The following ICAM5 variants were observed in gnomAD, a reference collection of about 807,000 sequenced individuals.
ICAM5 encodes intercellular adhesion molecule 5.
A neutral mutation model predicts 78.8 loss-of-function variants in ICAM5; 38 were observed. The ratio of observed to expected loss-of-function variants is 0.48; its 90% CI spans 0.37 to 0.63. The LOEUF is 0.63. Among genes scored for constraint, ICAM5 ranks in the 30% least tolerant of loss-of-function variants. The pLI is 0.00. For missense variants in ICAM5, 1,059 were observed against 1,303.0 expected, an observed-to-expected ratio of 0.81 and a Z score of 2.88; for synonymous variants, 544 against 590.9, an observed-to-expected ratio of 0.92 and a Z score of 1.15.
rs2040207772 is a variant in ICAM5, at chr19:10,294,855, C to T, written c.2230+215C>T. Among the ~76,000 whole-genome samples the T allele has an allele frequency of 2.0e-5, 3 of 152,088 alleles. No individual in the cohort carries two copies. Among genetic ancestry groups the T allele is most frequent in the Non-Finnish European group, 4.4e-5 (3 of 68,016 alleles). On this transcript the variant is annotated intron_variant, in intron 9 of 10. Coordinates refer to ENST00000221980, the MANE Select transcript of ICAM5 (RefSeq NM_003259.4). The surrounding 1 kb of genome is among the most constrained non-coding windows in gnomAD (Gnocchi z 7.7). ...TTGAGGCGGATGAATCACTTGAGGCCAGGAGTTCGAGACCAGCCCGGCCAA... is the reference window on the plus strand; with the variant it reads ...TTGAGGCGGATGAATCACTTGAGGCTAGGAGTTCGAGACCAGCCCGGCCAA...
chr19:10,296,750 A>C lies in ICAM5; in HGVS notation c.*134A>C. ...AGGGCGTCACCCCCATTTTCTACCC[A>C]TCCCCTCAATAAAGTTTTTATAAAG... On this transcript the variant is annotated 3_prime_UTR_variant, in exon 11 of 11. Coordinates refer to ENST00000221980, the MANE Select transcript of ICAM5 (RefSeq NM_003259.4). 1 of 739,580 alleles carries C rather than the reference A, an allele frequency of 1.4e-6. No homozygotes were observed. 45.8% of individuals were successfully genotyped at this position (739,580 alleles called of 1,614,324 possible).
In ICAM5 at chr19:10,290,116, G is replaced by C. The variant is rs766456168; in HGVS notation, c.73G>C (p.Gly25Arg). The C allele has an allele frequency of 3.3e-6, 5 of 1,530,414 alleles. No individual in the cohort carries two copies. In the South Asian group the frequency reaches 3.6e-5, roughly 11 times the overall value. The allele number at this position is 1,530,414 out of a possible 1,614,324, so 94.8% of individuals were successfully genotyped here. Residue 25 changes from glycine to arginine, a missense_variant, in exon 1 of 11, where the codon GGC (glycine) becomes CGC (arginine). By Grantham distance (125) the Gly-to-Arg change is moderately radical. This residue lies in a region of ICAM5 where 815 missense variants were observed against 952.8 expected (regional missense o/e 0.86). Transcript: ENST00000221980. This position sits in a 1 kb window ranked among gnomAD's most constrained non-coding sequence, Gnocchi z 5.7. Reference sequence around the variant, plus strand: ...GGCTGCTCTGGGCCTGGGGCTCTTCGGCCTCTCAGGTAAGAGCCCCGCTCT... The same window carrying C: ...GGCTGCTCTGGGCCTGGGGCTCTTCCGCCTCTCAGGTAAGAGCCCCGCTCT... ...LWAALGLGLF[G>R]LSAVSQEPFW...
intron 10 of ICAM5, 109 bp downstream of exon 10, chr19:10,295,721 C>G (rs1396586044): frequency 1.6e-6 from 2 of 1,264,738 alleles, no homozygotes; most frequent in Non-Finnish European, 2.1e-6. Flanking sequence ...GTAGACTAGA[C>G]GGAAGTGGGA....
rs771944642 is a variant in ICAM5 at position 10,294,166 on chromosome 19, G to A, written c.1838G>A (p.Gly613Asp). The change falls in exon 8 of 11, where the codon GGC becomes GAC. Residue 613 changes from glycine (G) to aspartate (D), a missense_variant. Coordinates refer to ENST00000221980, the MANE Select transcript of ICAM5 (RefSeq NM_003259.4). The surrounding 1 kb of genome is among the most constrained non-coding windows in gnomAD (Gnocchi z 7.7). ...AGCGTGAAGTGCGTGGGCTCCGGGG[G>A]CGCCACTGAGGGGGTGCTGCTGCCG... ...QPSVKCVGSG[G>D]ATEGVLLPLA... The A allele has an allele frequency of 1.2e-6, 2 of 1,612,606 alleles. No homozygotes were observed. Among genetic ancestry groups the A allele is most frequent in the Non-Finnish European group, 1.7e-6 (2 of 1,179,632 alleles).
At position 10,294,099 on chromosome 19, in the gene ICAM5, G is replaced by A. The variant is rs1416523008; in HGVS notation, c.1771G>A (p.Gly591Arg). ...PSNWTWVEGS[G>R]RLFSCEVDGK... ...CAATTGGACATGGGTGGAAGGATCT[G>A]GGCGCCTGTTTTCCTGTGAGGTCGA... The change falls in exon 8 of 11, where the codon GGG (glycine) becomes AGG (arginine). Residue 591 changes from glycine to arginine, a missense_variant. Transcript: ENST00000221980. This position sits in a 1 kb window ranked among gnomAD's most constrained non-coding sequence, Gnocchi z 7.7. 6.3e-7 allele frequency: 1 copy of A among 1,598,102 alleles called. No homozygotes were observed. The highest frequency in any genetic ancestry group is 1.1e-5 in the South Asian group (1 of 89,614).
chr19:10,296,384 C>T lies in ICAM5; in HGVS notation c.2543C>T (p.Ala848Val). The T allele has an allele frequency of 7.9e-7, 1 of 1,260,870 alleles. No homozygotes were observed. The allele number at this position is 1,260,870 out of a possible 1,614,324, so 78.1% of individuals were successfully genotyped here. A position where few individuals can be genotyped will look rare whatever the true frequency, so the allele number is the denominator to read the frequency against. ...VAVGGAAGGAALLAAGAGLAF... is the reference protein window; with the variant it reads ...VAVGGAAGGAVLLAAGAGLAF... Reference sequence around the variant, plus strand: ...GTGGGCGGCGCGGCGGGGGGCGCGGCGCTGCTGGCCGCGGGGGCCGGCCTG... The same window carrying T: ...GTGGGCGGCGCGGCGGGGGGCGCGGTGCTGCTGGCCGCGGGGGCCGGCCTG... The change falls in exon 11 of 11, where the codon GCG becomes GTG. Residue 848 changes from alanine to valine, a missense_variant. Physicochemically the swap from Ala to Val is moderately conservative, Grantham distance 64 (BLOSUM62 0). This residue lies in a region of ICAM5 where 109 missense variants were observed against 120.0 expected (regional missense o/e 0.91). Coordinates refer to ENST00000221980, the MANE Select transcript of ICAM5 (RefSeq NM_003259.4).
Position 10,290,434 on chromosome 19 carries a change from A to G in ICAM5, c.82+309A>G. 3.0e-6 allele frequency: 1 copy of G among 329,506 alleles called. No homozygotes were observed. The highest frequency in any genetic ancestry group is 2.1e-5 in the African/African-American group (1 of 46,698). The allele number at this position is 329,506 out of a possible 1,614,324, so 20.4% of individuals were successfully genotyped here. ...ACCTCCTTACGCTGTGCTGTGCACC[A>G]TGGTCCACGGACTGGCATCTTCCCC... is the stretch of plus-strand genomic sequence containing the variant. On this transcript the variant is annotated intron_variant, in intron 1 of 10. Transcript: ENST00000221980. This position sits in a 1 kb window ranked among gnomAD's most constrained non-coding sequence, Gnocchi z 5.7.
At position 10,292,047 on chromosome 19, in the gene ICAM5, A is replaced by G. The variant is rs1229404496; in HGVS notation, c.686A>G (p.Asp229Gly). 6.2e-7 allele frequency: 1 copy of G among 1,611,848 alleles called. No homozygotes were observed. The highest frequency in any genetic ancestry group is 8.5e-7 in the Non-Finnish European group (1 of 1,178,846). ...CTTCGACCCCTAGCCCTGTCTCCGG[A>G]TGCCCCGCGCCTCGCTGCTCCCCGG... ...RELRTFSLSPDAPRLAAPRLL... is the reference protein window; with the variant it reads ...RELRTFSLSPGAPRLAAPRLL... The change falls in exon 4 of 11, where the codon GAT becomes GGT. Residue 229 changes from aspartate to glycine, a missense_variant. By Grantham distance (94) the Asp-to-Gly change is moderately conservative. Transcript: ENST00000221980.
Position 10,296,334 on chromosome 19 carries a change from C to T in ICAM5, c.2498-5C>T, listed in dbSNP as rs1599282819. ...CCACCCTCCGCGAGGGTCTCCACCC[C>T]GCAGGTCCGTGGCTATGGGTCGCCG... is the stretch of plus-strand genomic sequence containing the variant. On this transcript the variant is annotated splice_polypyrimidine_tract_variant and splice_region_variant and intron_variant, in intron 10 of 10. Transcript: ENST00000221980. 4 of 1,236,220 alleles carry T rather than the reference C, an allele frequency of 3.2e-6. No individual in the cohort carries two copies. The East Asian group carries it at 1.3e-4, about 40-fold the overall frequency. The allele number at this position is 1,236,220 out of a possible 1,614,324, so 76.6% of individuals were successfully genotyped here.
In ICAM5 at chr19:10,296,688, T is replaced by A; in HGVS notation, c.*72T>A. 8.8e-7 allele frequency: 1 copy of A among 1,141,098 alleles called. No individual in the cohort carries two copies. Among genetic ancestry groups the A allele is most frequent in the Non-Finnish European group, 1.1e-6 (1 of 921,222 alleles). The allele number at this position is 1,141,098 out of a possible 1,614,324, so 70.7% of individuals were successfully genotyped here. A position where few individuals can be genotyped will look rare whatever the true frequency, so the allele number is the denominator to read the frequency against. On this transcript the variant is annotated 3_prime_UTR_variant, in exon 11 of 11. Transcript: ENST00000221980. ...CACGGGGGCTTATTTATTGCTTTAT[T>A]TATTTACTTATTCATTTATTTATGT... is the stretch of plus-strand genomic sequence containing the variant.
Position 10,296,540 on chromosome 19 carries a change from GACCCGAGGCGGC to G in ICAM5, c.2700_2711del (p.Pro901_Ala904del). On this transcript the variant is annotated inframe_deletion, in exon 11 of 11. Transcript: ENST00000221980. Reference sequence around the variant, plus strand: ...GGCGGGGCGGCAGGCGCGGAGGGCGGACCCGAGGCGGCGGGGGGCGCGGCCGAGTCGCCGGCG... The same window carrying G: ...GGCGGGGCGGCAGGCGCGGAGGGCGGGGGGGGCGCGGCCGAGTCGCCGGCG... The G allele has an allele frequency of 8.2e-7, 1 of 1,222,874 alleles. No individual in the cohort carries two copies. Among genetic ancestry groups the G allele is most frequent in the Non-Finnish European group, 1.0e-6 (1 of 974,010 alleles). The allele number at this position is 1,222,874 out of a possible 1,614,324, so 75.8% of individuals were successfully genotyped here.
Position 10,290,832 on chromosome 19 carries a change from A to G in ICAM5, c.83-240A>G, listed in dbSNP as rs567821379. 5.1e-6 allele frequency: 3 copies of G among 583,474 alleles called. No individual in the cohort carries two copies. Among genetic ancestry groups the G allele is most frequent in the Non-Finnish European group, 9.1e-6 (3 of 331,288 alleles). 36.1% of individuals were successfully genotyped at this position (583,474 alleles called of 1,614,324 possible). A position where few individuals can be genotyped will look rare whatever the true frequency, so the allele number is the denominator to read the frequency against. On this transcript the variant is annotated intron_variant, in intron 1 of 10. Coordinates refer to ENST00000221980, the MANE Select transcript of ICAM5 (RefSeq NM_003259.4). This position sits in a 1 kb window ranked among gnomAD's most constrained non-coding sequence, Gnocchi z 5.7. ...TCCCCCCATGCTTTCCCGCCGCTCC[A>G]TCGGCGCTTTGGAGACCATGGCTCT...
chr19:10,292,349 G>C (rs1187778902), intron 4 of ICAM5, 27 bp downstream of exon 4: 3 of 1,554,992 alleles, frequency 1.9e-6, no homozygotes, highest in Non-Finnish European at 2.6e-6. Context: ...GGTCTCCGCG[G>C]CTCCGAGGTG....
chr19:10,292,314 C>T lies in ICAM5; in HGVS notation c.953C>T (p.Thr318Ile). Residue 318 changes from threonine (T) to isoleucine (I), a missense_variant, in exon 4 of 11, where the codon ACC becomes ATC. Physicochemically the swap from Thr to Ile is moderately conservative, Grantham distance 89. Around this residue, in one of 3 missense-constraint regions of ICAM5, gnomAD observed 815 missense variants for 952.8 expected, o/e 0.86. Coordinates refer to ENST00000221980, the MANE Select transcript of ICAM5 (RefSeq NM_003259.4). ...AACCGGGAGACCCGGGAGAACGTGA[C>T]CATCTACAGTAAGGAAGGAGGCGGG... ...GENRETRENV[T>I]IYSFPAPLLT... The T allele has an allele frequency of 6.2e-7, 1 of 1,600,910 alleles. No homozygotes were observed. The highest frequency in any genetic ancestry group is 8.5e-7 in the Non-Finnish European group (1 of 1,175,180).
rs987368319 is a variant in ICAM5, at chr19:10,296,665, C to T, written c.*49C>T. ...CCGGGGGACGCCCCCCAGACTCACACGGGGGCTTATTTATTGCTTTATTTA... is the reference window on the plus strand; with the variant it reads ...CCGGGGGACGCCCCCCAGACTCACATGGGGGCTTATTTATTGCTTTATTTA... On this transcript the variant is annotated 3_prime_UTR_variant, in exon 11 of 11. Transcript: ENST00000221980. 23 of 1,195,310 alleles carry T rather than the reference C, an allele frequency of 1.9e-5. No homozygotes were observed. The South Asian group carries it at 4.6e-4, about 24-fold the overall frequency. The allele number at this position is 1,195,310 out of a possible 1,614,324, so 74.0% of individuals were successfully genotyped here.
chr19:10,291,148 G>A lies in ICAM5; in HGVS notation c.159G>A (p.Leu53=). The A allele has an allele frequency of 6.2e-7, 1 of 1,612,408 alleles. No individual in the cohort carries two copies. Among genetic ancestry groups the A allele is most frequent in the Non-Finnish European group, 8.5e-7 (1 of 1,179,816 alleles). The change falls in exon 2 of 11, where the codon CTG becomes CTA. Residue 53 remains leucine, a synonymous_variant. Transcript: ENST00000221980. ...TGGAGCGCGGGGGCTCGCTGTGGCT[G>A]AATTGCAGCACCAACTGCCCTCGGC... is the stretch of plus-strand genomic sequence containing the variant. ...AFVERGGSLW[L]NCSTNCPRPE...
chr19:10,290,978 C>T lies in ICAM5; in HGVS notation c.83-94C>T, dbSNP rs2145026993. 2 of 1,443,888 alleles carry T rather than the reference C, an allele frequency of 1.4e-6. No homozygotes were observed. The highest frequency in any genetic ancestry group is 1.4e-5 in the South Asian group (1 of 71,220). The allele number at this position is 1,443,888 out of a possible 1,614,324, so 89.4% of individuals were successfully genotyped here. A position where few individuals can be genotyped will look rare whatever the true frequency, so the allele number is the denominator to read the frequency against. On this transcript the variant is annotated intron_variant, in intron 1 of 10. Transcript: ENST00000221980. This position sits in a 1 kb window ranked among gnomAD's most constrained non-coding sequence, Gnocchi z 5.7. ...TTCCCTGGCTGCAGCCTCTCCTCCT[C>T]CTCCCCGCCCTCTGAGAACCCTTGA...
chr19:10,290,202 TC>T lies in ICAM5; in HGVS notation c.82+80del. On this transcript the variant is annotated intron_variant, in intron 1 of 10. Transcript: ENST00000221980. This position sits in a 1 kb window ranked among gnomAD's most constrained non-coding sequence, Gnocchi z 5.7. ...GACCTGAGAAACGGCCTCCTGTCCCTCCCAGCTCTGCCCTCGCCTCGCTCCC... is the reference window on the plus strand; with the variant it reads ...GACCTGAGAAACGGCCTCCTGTCCCTCCAGCTCTGCCCTCGCCTCGCTCCC... 5 of 1,115,346 alleles carry T rather than the reference TC, an allele frequency of 4.5e-6. No homozygotes were observed. The highest frequency in any genetic ancestry group is 3.7e-6 in the Non-Finnish European group (3 of 809,164). The allele number at this position is 1,115,346 out of a possible 1,614,324, so 69.1% of individuals were successfully genotyped here. A position where few individuals can be genotyped will look rare whatever the true frequency, so the allele number is the denominator to read the frequency against.
chr19:10,294,415 G>A lies in ICAM5; in HGVS notation c.2005G>A (p.Asp669Asn), dbSNP rs770648638. ...CTGCTTTGCAGCGCCACCGGAGATG[G>A]ATGAATCTACCTGCCCAAGTCACCA... ...VVSAESPPEMDESTCPSHQTW... is the reference protein window; with the variant it reads ...VVSAESPPEMNESTCPSHQTW... The change falls in exon 9 of 11, where the codon GAT becomes AAT. Residue 669 changes from aspartate (D) to asparagine (N), a missense_variant. Physicochemically the swap from Asp to Asn is conservative, Grantham distance 23. Around this residue, in one of 3 missense-constraint regions of ICAM5, gnomAD observed 815 missense variants for 952.8 expected, o/e 0.86. Transcript: ENST00000221980. This position sits in a 1 kb window ranked among gnomAD's most constrained non-coding sequence, Gnocchi z 7.7. 1.9e-6 allele frequency: 3 copies of A among 1,612,838 alleles called. No individual in the cohort carries two copies. Among genetic ancestry groups the A allele is most frequent in the South Asian group, 2.2e-5 (2 of 91,048 alleles).
Sources: gnomAD v4.1 joint callset for allele counts (sites outside exome capture counted in the v4.1 genomes callset) on GRCh38, gnomAD v4.1.1 for gene constraint, gnomAD v4.1.1 regional missense constraint, Gnocchi (gnomAD v3.1) non-coding constraint, MANE v1.5 for transcripts, NCBI Gene and HGNC (gene_info 2026-07-23, HGNC 2026-07-21) for gene names.